IMMP2L: variants seen among roughly 807,000 people sequenced by gnomAD.
IMMP2L encodes the protein mitochondrial inner membrane protease subunit 2.
A neutral mutation model predicts 19.3 loss-of-function variants in IMMP2L; 18 were observed. The observed-to-expected ratio is 0.93, with a 90% confidence interval of 0.64 to 1.38. IMMP2L has a LOEUF of 1.38. Among genes scored for constraint, IMMP2L ranks in the 40% most tolerant of loss-of-function variants. The probability of loss-of-function intolerance (pLI) is 0.00; values close to 1 mark genes in which losing one functional copy is unlikely to be tolerated. For missense variants in IMMP2L, 233 were observed against 218.2 expected, an observed-to-expected ratio of 1.07 and a Z score of -0.43; for synonymous variants, 76 against 73.0, an observed-to-expected ratio of 1.04 and a Z score of -0.21.
intron 3 of IMMP2L, among the ~76,000 whole-genome samples, chr7:111,164,525 G>A (rs1381616379): frequency 6.6e-6 from 1 of 151,834 alleles, no homozygotes; most frequent in South Asian, 2.1e-4. Context: ...ACCAGGAATG[G>A]GATGAAAGAG....
chr7:110,862,259 T>G (rs1027868465), intron 5 of IMMP2L, among the ~76,000 whole-genome samples: 1 of 151,872 alleles, frequency 6.6e-6, no homozygotes, highest in Non-Finnish European at 1.5e-5. Context: ...AATGGGGCTG[T>G]GTTTTATACT....
At chr7:111,493,473 T>G (rs1204432494) in intron 2 of IMMP2L, among the ~76,000 whole-genome samples, 1 of 140,736 alleles carries the variant, frequency 7.1e-6, no homozygotes, top group East Asian at 2.2e-4. Context: ...GAGGCCAAGG[T>G]GGGTGGATCA....
chr7:111,491,432 A>C (rs1843093079), intron 2 of IMMP2L, among the ~76,000 whole-genome samples: 2 of 152,186 alleles, frequency 1.3e-5, no homozygotes, highest in South Asian at 4.2e-4. Context: ...TAAAGTGCTT[A>C]TGGTAGTTCT....
chr7:111,272,765 G>A (rs1231890538), intron 3 of IMMP2L, among the ~76,000 whole-genome samples: 1 of 152,114 alleles, frequency 6.6e-6, no homozygotes, highest in East Asian at 1.9e-4. Flanking sequence ...TTTTCTTTGG[G>A]CCCACACACC....
chr7:110,750,534 T>G (rs1797654836), intron 5 of IMMP2L, among the ~76,000 whole-genome samples: 1 of 152,046 alleles, frequency 6.6e-6, no homozygotes, highest in South Asian at 2.1e-4. Context: ...ACTCCTTATT[T>G]CAAAGCAATG....
chr7:111,177,673 T>C (rs1394556856), intron 3 of IMMP2L, among the ~76,000 whole-genome samples: 2 of 152,104 alleles, frequency 1.3e-5, no homozygotes, highest in Non-Finnish European at 2.9e-5. Context: ...ACTAGAACCA[T>C]TGTTATTAAG....
intron 3 of IMMP2L, among the ~76,000 whole-genome samples, chr7:111,322,054 T>G (rs1273300981): frequency 7.2e-6 from 1 of 139,464 alleles, no homozygotes; most frequent in Non-Finnish European, 1.7e-5. Context: ...GTACTTAAAG[T>G]ACTTTCATTT....
intron 3 of IMMP2L, among the ~76,000 whole-genome samples, chr7:111,000,233 G>T (rs1197499647): frequency 6.6e-6 from 1 of 152,120 alleles, no homozygotes; most frequent in Non-Finnish European, 1.5e-5. Context: ...CTGACTATCA[G>T]CCCAGAATTT....
intron 3 of IMMP2L, among the ~76,000 whole-genome samples, chr7:111,173,718 G>A (rs2129609588): frequency 6.6e-6 from 1 of 151,668 alleles, no homozygotes; most frequent in South Asian, 2.1e-4. Flanking sequence ...CTCCTGGGGT[G>A]TTTCTTATAT....
At chr7:111,417,678 C>A (rs756042492) in intron 3 of IMMP2L, among the ~76,000 whole-genome samples, 2 of 151,784 alleles carry the variant, frequency 1.3e-5, no homozygotes, top group Non-Finnish European at 2.9e-5. Flanking sequence ...CAGCCAGAAG[C>A]TACTCTGTGG....
At chr7:111,312,056 T>A (rs997142074) in intron 3 of IMMP2L, among the ~76,000 whole-genome samples, 2 of 152,184 alleles carry the variant, frequency 1.3e-5, no homozygotes, top group African/African-American at 2.4e-5. Flanking sequence ...AGGAAAGCAT[T>A]TGTGGGTCAC....
chr7:110,859,749 CAA>C (rs35255934), intron 5 of IMMP2L, among the ~76,000 whole-genome samples: 26 of 92,748 alleles, frequency 2.8e-4, no homozygotes, highest in Admixed American at 4.4e-4. Context: ...GACCCTGTCT[CAA>C]AAAAAAAAAA....
intron 5 of IMMP2L, among the ~76,000 whole-genome samples, chr7:110,720,974 C>A (rs901775817): frequency 6.6e-6 from 1 of 152,036 alleles, no homozygotes; most frequent in Non-Finnish European, 1.5e-5. Flanking sequence ...ATCTTTCTTT[C>A]AGCTTCTCCC....
chr7:111,470,666 T>C (rs892775940), intron 3 of IMMP2L, among the ~76,000 whole-genome samples: 22 of 134,898 alleles, frequency 1.6e-4, no homozygotes, highest in Admixed American at 7.9e-4. Flanking sequence ...TAGGTGGGAA[T>C]TGAACAATGA....
chr7:110,993,479 T>C (rs917017151), intron 3 of IMMP2L, among the ~76,000 whole-genome samples: 1 of 152,106 alleles, frequency 6.6e-6, no homozygotes, highest in African/African-American at 2.4e-5. Flanking sequence ...ATTTCTTCTA[T>C]GTAGTTGCTT....
intron 3 of IMMP2L, among the ~76,000 whole-genome samples, chr7:111,378,892 T>C (rs1830932406): frequency 6.6e-6 from 1 of 151,868 alleles, no homozygotes; most frequent in East Asian, 1.9e-4. Context: ...AACAGGTTAG[T>C]ATACTCTCTT....
chr7:111,074,496 C>A (rs987560331), intron 3 of IMMP2L, among the ~76,000 whole-genome samples: 2 of 152,194 alleles, frequency 1.3e-5, no homozygotes, highest in Non-Finnish European at 2.9e-5. Flanking sequence ...TGATGCATAT[C>A]TTTAGTCTTC....
intron 3 of IMMP2L, among the ~76,000 whole-genome samples, chr7:111,324,910 T>G (rs1825152502): frequency 6.6e-6 from 1 of 151,876 alleles, no homozygotes; most frequent in African/African-American, 2.4e-5. Flanking sequence ...TCTGTTAATT[T>G]TTTTAATCAA....
intron 3 of IMMP2L, among the ~76,000 whole-genome samples, chr7:111,273,095 T>C (rs1269048663): frequency 6.6e-6 from 1 of 151,992 alleles, no homozygotes; most frequent in Admixed American, 6.6e-5. Context: ...CTGGCCAACA[T>C]GGTGAAACCC....
Sources: gnomAD v4.1 joint callset for allele counts (sites outside exome capture counted in the v4.1 genomes callset) on GRCh38, gnomAD v4.1.1 for gene constraint, MANE v1.5 for transcripts, NCBI Gene and HGNC (gene_info 2026-07-23, HGNC 2026-07-21) for gene names.